Variants in TMEM132D observed in about 807,000 individuals in gnomAD.
TMEM132D encodes the protein mature OL transmembrane protein.
A neutral mutation model predicts 62.3 loss-of-function variants in TMEM132D; 21 were observed. That is an observed-to-expected ratio of 0.34 (90% CI 0.24 to 0.49). The LOEUF is 0.49. Ranked by LOEUF, TMEM132D falls within the 20% of genes least tolerant of loss-of-function variation. The probability of loss-of-function intolerance (pLI) is 0.99; values close to 1 mark genes in which losing one functional copy is unlikely to be tolerated. For missense variants in TMEM132D, 1,346 were observed against 1,402.8 expected (o/e 0.96, Z 0.65); for synonymous variants, 621 against 575.6 (o/e 1.08, Z -1.13).
At chr12:129,178,851 G>A (rs1370689628) in intron 5 of TMEM132D, among the ~76,000 whole-genome samples, 3 of 152,176 alleles carry the variant, frequency 2.0e-5, no homozygotes, top group African/African-American at 7.2e-5. Context: ...CCTGGGTTTG[G>A]CCAGGTGGCT....
At chr12:129,404,537 G>A (rs548382205) in intron 3 of TMEM132D, among the ~76,000 whole-genome samples, 1 of 152,156 alleles carries the variant, frequency 6.6e-6, no homozygotes, top group Admixed American at 6.5e-5. Context: ...AGGTTTAATC[G>A]GTTTGTTTCT....
chr12:129,669,041 G>C (rs909777581), intron 2 of TMEM132D, among the ~76,000 whole-genome samples: 13 of 152,188 alleles, frequency 8.5e-5, no homozygotes, highest in African/African-American at 2.7e-4. Context: ...ATAGGTATTT[G>C]AGGGTACAAA....
rs1464419844 is a variant in TMEM132D, at chr12:129,356,311, T to C, written c.1116-18494A>G. Among the ~76,000 whole-genome samples, 308 of 69,516 alleles carry C rather than the reference T, an allele frequency of 4.4e-3. 75 individuals are homozygous for C. Among genetic ancestry groups the C allele is most frequent in the Non-Finnish European group, 3.3e-3 (113 of 33,904 alleles). The allele number at this position is 69,516 out of a possible 152,430, so 45.6% of individuals were successfully genotyped here. A position where few individuals can be genotyped will look rare whatever the true frequency, so the allele number is the denominator to read the frequency against. On this transcript the variant is annotated intron_variant, in intron 3 of 8. Coordinates refer to ENST00000422113, the MANE Select transcript of TMEM132D (RefSeq NM_133448.3). ...AGCTGGGACTACAGGCGCCCGCCAC[T>C]ACGCCCGGCTAATTTTTTTGTATTT...
chr12:129,258,874 G>A (rs1230770365), intron 4 of TMEM132D, among the ~76,000 whole-genome samples: 1 of 152,222 alleles, frequency 6.6e-6, no homozygotes, highest in Admixed American at 6.5e-5. Flanking sequence ...GAAAAGGTGG[G>A]CGATGTGTGC....
chr12:129,796,971 C>G (rs753296062), intron 1 of TMEM132D, among the ~76,000 whole-genome samples: 2 of 152,144 alleles, frequency 1.3e-5, no homozygotes, highest in Non-Finnish European at 2.9e-5. Context: ...CTTTAGAAGG[C>G]CTCTCTCAAA....
intron 2 of TMEM132D, among the ~76,000 whole-genome samples, chr12:129,603,068 A>G (rs1425059783): frequency 6.6e-6 from 1 of 152,194 alleles, no homozygotes; most frequent in African/African-American, 2.4e-5. Flanking sequence ...TATGGGAACT[A>G]CAATTCAAGA....
At chr12:129,541,409 T>C (rs957992257) in intron 2 of TMEM132D, among the ~76,000 whole-genome samples, 1 of 152,172 alleles carries the variant, frequency 6.6e-6, no homozygotes, top group East Asian at 1.9e-4. Flanking sequence ...TATGGATTCA[T>C]AGGAATCGTT....
intron 4 of TMEM132D, among the ~76,000 whole-genome samples, chr12:129,216,902 C>G (rs1301799124): frequency 6.6e-6 from 1 of 152,142 alleles, no homozygotes; most frequent in Non-Finnish European, 1.5e-5. Context: ...AAGGGGACCG[C>G]CTCATGATTT....
intron 4 of TMEM132D, among the ~76,000 whole-genome samples, chr12:129,296,303 G>T (rs992658606): frequency 6.6e-6 from 1 of 152,190 alleles, no homozygotes; most frequent in Non-Finnish European, 1.5e-5. Flanking sequence ...ATGTCATTAT[G>T]AAGAGATGCT....
In TMEM132D at chr12:129,277,506, G is replaced by T. The variant is rs1037176747; in HGVS notation, c.1299+60128C>A. Among the ~76,000 whole-genome samples, 3 of 152,122 alleles carry T rather than the reference G, an allele frequency of 2.0e-5. No homozygotes were observed. Among genetic ancestry groups the T allele is most frequent in the Non-Finnish European group, 4.4e-5 (3 of 68,024 alleles). On this transcript the variant is annotated intron_variant, in intron 4 of 8. Coordinates refer to ENST00000422113, the MANE Select transcript of TMEM132D (RefSeq NM_133448.3). The surrounding 1 kb of genome is among the most constrained non-coding windows in gnomAD (Gnocchi z 4.2). ...TAAAATTCTTTATCCCTTACTCATT[G>T]CTGCTATCAGGAATTTGAAAGAATT...
chr12:129,868,868 C>T (rs942011088), intron 1 of TMEM132D, among the ~76,000 whole-genome samples: 2 of 152,074 alleles, frequency 1.3e-5, no homozygotes, highest in African/African-American at 4.8e-5. Flanking sequence ...TGGCAATCAC[C>T]AGGCAGGGAA....
In TMEM132D at chr12:129,081,023, G is replaced by A. The variant is rs144256935; in HGVS notation, c.1923+736C>T. Among the ~76,000 whole-genome samples the A allele has an allele frequency of 3.4e-3, 514 of 152,248 alleles. 3 individuals are homozygous for A. Among genetic ancestry groups the A allele is most frequent in the African/African-American group, 0.012 (499 of 41,560 alleles). ...CTCATCAGGCCCGCGGCTGTGACTC[G>A]GTAGGGGCGGCCACAATATCCTGAA... On this transcript the variant is annotated intron_variant, in intron 7 of 8. Coordinates refer to ENST00000422113, the MANE Select transcript of TMEM132D (RefSeq NM_133448.3).
At chr12:129,087,004 C>G (rs1027479475) in intron 5 of TMEM132D, among the ~76,000 whole-genome samples, 2 of 151,912 alleles carry the variant, frequency 1.3e-5, no homozygotes, top group African/African-American at 4.8e-5. Context: ...CATTGAAGAC[C>G]CCCTGTCTTT....
chr12:129,799,220 G>A (rs527744039), intron 1 of TMEM132D, among the ~76,000 whole-genome samples: 7 of 152,148 alleles, frequency 4.6e-5, no homozygotes, highest in African/African-American at 7.2e-5. Flanking sequence ...AGCTGAGATC[G>A]CGCCACTGCA....
At chr12:129,607,977 C>G (rs1198833733) in intron 2 of TMEM132D, among the ~76,000 whole-genome samples, 1 of 152,130 alleles carries the variant, frequency 6.6e-6, no homozygotes, top group Non-Finnish European at 1.5e-5. Context: ...CTGACTGCGG[C>G]GGGGGAGGAG....
intron 5 of TMEM132D, among the ~76,000 whole-genome samples, chr12:129,142,510 C>T (rs1041672800): frequency 6.6e-6 from 1 of 152,160 alleles, no homozygotes; most frequent in Non-Finnish European, 1.5e-5. Context: ...TTATGAAGAT[C>T]TGATATAGTA....
At chr12:129,623,774 CAT>C (rs1364159501) in intron 2 of TMEM132D, among the ~76,000 whole-genome samples, 6 of 149,444 alleles carry the variant, frequency 4.0e-5, no homozygotes, top group African/African-American at 7.4e-5. Context: ...TATATATACA[CAT>C]ATATATATAT....
At chr12:129,432,632 G>T (rs2135717195) in intron 3 of TMEM132D, among the ~76,000 whole-genome samples, 1 of 152,304 alleles carries the variant, frequency 6.6e-6, no homozygotes, top group Non-Finnish European at 1.5e-5. Context: ...TATACCAAGA[G>T]TAGACATTTG....
At position 129,409,883 on chromosome 12, in the gene TMEM132D, T is replaced by G. The variant is rs145818351; in HGVS notation, c.1116-72066A>C. Among the ~76,000 whole-genome samples the G allele has an allele frequency of 2.9e-3, 436 of 152,328 alleles. 1 individual carries two copies. The highest frequency in any genetic ancestry group is 4.8e-3 in the Non-Finnish European group (328 of 68,028). On this transcript the variant is annotated intron_variant, in intron 3 of 8. Coordinates refer to ENST00000422113, the MANE Select transcript of TMEM132D (RefSeq NM_133448.3). ...GAAAGCTGTTCCATGTCTGCACACGTGCAGACATAGCAGAGACTCTGCTTG... is the reference window on the plus strand; with the variant it reads ...GAAAGCTGTTCCATGTCTGCACACGGGCAGACATAGCAGAGACTCTGCTTG...
Sources: gnomAD v4.1 joint callset for allele counts (sites outside exome capture counted in the v4.1 genomes callset) on GRCh38, gnomAD v4.1.1 for gene constraint, Gnocchi (gnomAD v3.1) non-coding constraint, MANE v1.5 for transcripts, NCBI Gene and HGNC (gene_info 2026-07-23, HGNC 2026-07-21) for gene names.